CFAP144: variants seen among roughly 807,000 people sequenced by gnomAD.
The protein encoded by CFAP144 is cilia- and flagella-associated protein 144.
chr1:43,155,439 T>A, the CFAP144 span, among the ~76,000 whole-genome samples: 280 of 152,324 alleles, frequency 1.8e-3, no homozygotes, highest in South Asian at 0.013. Context: ...GCTCTGCAGA[T>A]CACAGAGTGC....
chr1:43,149,368 T>C, the CFAP144 span, among the ~76,000 whole-genome samples: 1 of 152,344 alleles, frequency 6.6e-6, no homozygotes, highest in Admixed American at 6.5e-5. Context: ...CCCCCTGCCA[T>C]TTCTAAATAC....
At chr1:43,147,981 T>A in the CFAP144 span, 1 of 1,613,954 alleles carries the variant, frequency 6.2e-7, no homozygotes, top group Non-Finnish European at 8.5e-7. Context: ...AGAAGGTGAT[T>A]CCAGATGAGG....
chr1:43,152,697 T>G, the CFAP144 span: 1 of 983,830 alleles, frequency 1.0e-6, no homozygotes. Context: ...CACCCTGGTC[T>G]TGAGGCTGAG....
chr1:43,145,409 G>A, the CFAP144 span: 1 of 826,468 alleles, frequency 1.2e-6, no homozygotes, highest in Non-Finnish European at 2.0e-6. Context: ...GTTTCCTTTG[G>A]TCTGGTTCCT....
the CFAP144 span, among the ~76,000 whole-genome samples, chr1:43,148,799 G>A: frequency 5.3e-3 from 814 of 152,168 alleles, 4 homozygotes; most frequent in African/African-American, 0.019. Context: ...ATCATTAGAA[G>A]CCTCGGAGTC....
chr1:43,148,638 C>G, the CFAP144 span, among the ~76,000 whole-genome samples: 8 of 152,196 alleles, frequency 5.3e-5, no homozygotes, highest in Non-Finnish European at 1.0e-4. Context: ...GGACAACCCA[C>G]AGGCACCTCA....
the CFAP144 span, among the ~76,000 whole-genome samples, chr1:43,146,344 C>T: frequency 6.6e-6 from 1 of 152,180 alleles, no homozygotes. Flanking sequence ...TTCTTGCTCT[C>T]TTAATGCAGA....
chr1:43,155,891 T>C, the CFAP144 span, among the ~76,000 whole-genome samples: 1 of 152,268 alleles, frequency 6.6e-6, no homozygotes, highest in African/African-American at 2.4e-5. Flanking sequence ...ACTTAGATTC[T>C]ATGTGACTCT....
chr1:43,154,678 A>G, the CFAP144 span, among the ~76,000 whole-genome samples: 2 of 152,150 alleles, frequency 1.3e-5, no homozygotes, highest in Non-Finnish European at 2.9e-5. Context: ...GTGGAAAAAA[A>G]TAAATTTAAA....
the CFAP144 span, among the ~76,000 whole-genome samples, chr1:43,153,338 A>T: frequency 6.6e-6 from 1 of 152,174 alleles, no homozygotes; most frequent in African/African-American, 2.4e-5. Flanking sequence ...GGCTGAGCGT[A>T]GTGGCTCACA....
At chr1:43,155,381 C>T in the CFAP144 span, among the ~76,000 whole-genome samples, 25 of 152,296 alleles carry the variant, frequency 1.6e-4, no homozygotes, top group Non-Finnish European at 2.8e-4. Context: ...TGCAGGCTTA[C>T]GATGACAGGA....
At chr1:43,147,450 A>G in the CFAP144 span, among the ~76,000 whole-genome samples, 1 of 152,226 alleles carries the variant, frequency 6.6e-6, no homozygotes, top group Non-Finnish European at 1.5e-5. Context: ...ATATTATCAC[A>G]TTGGTAATCT....
the CFAP144 span, chr1:43,156,394 G>A: frequency 8.7e-7 from 1 of 1,143,148 alleles, no homozygotes. Context: ...ACTTTAAAAC[G>A]AAGTTTCACT....
At chr1:43,150,030 C>T in the CFAP144 span, among the ~76,000 whole-genome samples, 1 of 152,186 alleles carries the variant, frequency 6.6e-6, no homozygotes, top group Non-Finnish European at 1.5e-5. Context: ...AGCACATTCC[C>T]TCACTTCATT....
At chr1:43,155,129 T>C in the CFAP144 span, among the ~76,000 whole-genome samples, 2 of 152,172 alleles carry the variant, frequency 1.3e-5, no homozygotes, top group African/African-American at 4.8e-5. Flanking sequence ...TCAGGGTTCC[T>C]GAGTAGAGTT....
chr1:43,152,234 G>A, the CFAP144 span, among the ~76,000 whole-genome samples: 3 of 152,214 alleles, frequency 2.0e-5, no homozygotes, highest in Admixed American at 6.5e-5. Context: ...ATCTGTTGTC[G>A]GCAGCCATAC....
chr1:43,154,062 GTATATATATATATATA>G, the CFAP144 span, among the ~76,000 whole-genome samples: 22 of 83,666 alleles, frequency 2.6e-4, no homozygotes, highest in East Asian at 4.6e-4. Context: ...ATATGTGTGT[GTATATATATATATATA>G]TATATATATA....
At chr1:43,151,508 G>C in the CFAP144 span, among the ~76,000 whole-genome samples, 1 of 152,138 alleles carries the variant, frequency 6.6e-6, no homozygotes, top group Non-Finnish European at 1.5e-5. Flanking sequence ...AAGACCTCTT[G>C]GAGGAGGCGA....
chr1:43,153,042 T>A, the CFAP144 span: 1 of 1,363,816 alleles, frequency 7.3e-7, no homozygotes. Context: ...CCTGGCTACC[T>A]CTTACCAGCT....
Sources: gnomAD v4.1 joint callset for allele counts (sites outside exome capture counted in the v4.1 genomes callset) on GRCh38, gnomAD v4.1.1 for gene constraint, MANE v1.5 for transcripts, NCBI Gene and HGNC (gene_info 2026-07-23, HGNC 2026-07-21) for gene names.